Variants in ADORA1 observed in about 807,000 individuals in gnomAD.
ADORA1 encodes the protein adenosine receptor A1.
A neutral mutation model predicts 19.9 loss-of-function variants in ADORA1; 6 were observed. The ratio of observed to expected loss-of-function variants is 0.30; its 90% CI spans 0.17 to 0.59. ADORA1 has a LOEUF of 0.59. Among genes scored for constraint, ADORA1 ranks in the 20% least tolerant of loss-of-function variants. ADORA1 has a pLI of 0.87. For synonymous variants in ADORA1, 194 were observed against 188.4 expected (o/e 1.03, Z -0.24); for missense variants, 302 against 439.2 (o/e 0.69, Z 2.79).
Position 203,165,155 on chromosome 1 carries a change from A to T in ADORA1, c.342-106A>T. The T allele has an allele frequency of 6.3e-7, 1 of 1,582,508 alleles. No individual in the cohort carries two copies. The highest frequency in any genetic ancestry group is 1.1e-5 in the South Asian group (1 of 86,960). ...CTCCCCACTCACCGGGCCCTGGAAG[A>T]GGAGGGTGCTCCTCTTAGAGGCCCC... On this transcript the variant is annotated intron_variant, in intron 3 of 3. Coordinates refer to ENST00000337894, the MANE Select transcript of ADORA1 (RefSeq NM_000674.3). This position sits in a 1 kb window ranked among gnomAD's most constrained non-coding sequence, Gnocchi z 5.9.
At chr1:203,151,338 A>C (rs146208347) in intron 3 of ADORA1, among the ~76,000 whole-genome samples, 3 of 152,194 alleles carry the variant, frequency 2.0e-5, no homozygotes, top group Non-Finnish European at 2.9e-5. Flanking sequence ...CCCACCCCAG[A>C]CTCAGACACT....
chr1:203,147,866 G>A (rs1236619325), intron 3 of ADORA1, among the ~76,000 whole-genome samples: 2 of 152,192 alleles, frequency 1.3e-5, no homozygotes, highest in East Asian at 1.9e-4. Flanking sequence ...GAAACATTAC[G>A]TTGTACCCCA....
chr1:203,132,891 T>C (rs191639362), intron 3 of ADORA1, among the ~76,000 whole-genome samples: 161 of 152,216 alleles, frequency 1.1e-3, no homozygotes, highest in Non-Finnish European at 2.0e-3. Context: ...GGGGTTGGAT[T>C]TGAGGTCTCT....
intron 3 of ADORA1, among the ~76,000 whole-genome samples, chr1:203,153,356 A>G (rs1353437865): frequency 1.3e-5 from 2 of 152,304 alleles, no homozygotes; most frequent in South Asian, 2.1e-4. Flanking sequence ...CGAAGGACAG[A>G]CAGTTGGGGA....
At chr1:203,140,060 AAAAGG>A (rs1654630754) in intron 3 of ADORA1, among the ~76,000 whole-genome samples, 1 of 152,252 alleles carries the variant, frequency 6.6e-6, no homozygotes, top group Non-Finnish European at 1.5e-5. Context: ...CGGTGATATA[AAAAGG>A]ATAATATATC....
At chr1:203,161,235 A>T (rs1655355880) in intron 3 of ADORA1, among the ~76,000 whole-genome samples, 2 of 152,114 alleles carry the variant, frequency 1.3e-5, no homozygotes. Flanking sequence ...CAGTCTTTTC[A>T]TGTTATCATC....
chr1:203,135,665 A>G (rs1654483116), intron 3 of ADORA1, among the ~76,000 whole-genome samples: 1 of 152,140 alleles, frequency 6.6e-6, no homozygotes, highest in Non-Finnish European at 1.5e-5. Context: ...CTCAAAAAAA[A>G]AAAAAAAAGT....
intron 3 of ADORA1, among the ~76,000 whole-genome samples, chr1:203,130,066 C>A (rs557574343): frequency 6.6e-6 from 1 of 152,372 alleles, no homozygotes; most frequent in Admixed American, 6.5e-5. Context: ...TGCTGGGACG[C>A]TCTTGTGAGG....
At chr1:203,150,874 G>T in intron 3 of ADORA1, 1 of 1,179,066 alleles carries the variant, frequency 8.5e-7, no homozygotes, top group South Asian at 1.4e-5. Flanking sequence ...GCTTTAGGGG[G>T]CCCTGACAGC....
At chr1:203,141,339 C>G (rs535954428) in intron 3 of ADORA1, among the ~76,000 whole-genome samples, 1 of 152,322 alleles carries the variant, frequency 6.6e-6, no homozygotes, top group East Asian at 1.9e-4. Flanking sequence ...TCAGCTCTCA[C>G]CATGCACCCT....
At position 203,140,506 on chromosome 1, in the gene ADORA1, G is replaced by A. The variant is rs189877659; in HGVS notation, c.341+11324G>A. 2.0e-3 allele frequency among the ~76,000 whole-genome samples: 312 copies of A among 152,296 alleles called. 4 individuals are homozygous for A. Among genetic ancestry groups the A allele is most frequent in the South Asian group, 0.016 (76 of 4,828 alleles). ...GATCCTATTAGGTATCCAAATGGAA[G>A]CACTGTGATGGCAGGGTCGCTGGTG... On this transcript the variant is annotated intron_variant, in intron 3 of 3. Transcript: ENST00000337894.
chr1:203,160,937 C>G (rs148371778), intron 3 of ADORA1, among the ~76,000 whole-genome samples: 2 of 152,324 alleles, frequency 1.3e-5, no homozygotes, highest in East Asian at 3.9e-4. Context: ...CACTTAGCCC[C>G]CAGAATCTCC....
intron 3 of ADORA1, among the ~76,000 whole-genome samples, chr1:203,156,755 G>A (rs1655210262): frequency 1.3e-5 from 2 of 152,196 alleles, no homozygotes. Flanking sequence ...CAGTTCTGGA[G>A]GCTGGGAAGT....
At chr1:203,140,039 C>T (rs908591888) in intron 3 of ADORA1, among the ~76,000 whole-genome samples, 4 of 152,118 alleles carry the variant, frequency 2.6e-5, no homozygotes, top group Non-Finnish European at 5.9e-5. Flanking sequence ...AAAATATTAG[C>T]AAATCAAATC....
At chr1:203,136,933 A>C (rs1310502306) in intron 3 of ADORA1, among the ~76,000 whole-genome samples, 1 of 152,210 alleles carries the variant, frequency 6.6e-6, no homozygotes, top group African/African-American at 2.4e-5. Context: ...GGATACTTTC[A>C]TTAATAAAAC....
chr1:203,149,703 GC>G (rs1171781789), intron 3 of ADORA1, among the ~76,000 whole-genome samples: 1 of 152,216 alleles, frequency 6.6e-6, no homozygotes, highest in Non-Finnish European at 1.5e-5. Context: ...TGGGAGCAGA[GC>G]TCTGCTGCCT....
At chr1:203,133,001 A>G (rs959401667) in intron 3 of ADORA1, among the ~76,000 whole-genome samples, 5 of 152,018 alleles carry the variant, frequency 3.3e-5, no homozygotes, top group African/African-American at 1.2e-4. Flanking sequence ...TGTGTGTTTT[A>G]GCTCCTAGTG....
At chr1:203,131,062 T>C (rs1225340731) in intron 3 of ADORA1, among the ~76,000 whole-genome samples, 7 of 152,226 alleles carry the variant, frequency 4.6e-5, no homozygotes, top group African/African-American at 9.6e-5. Context: ...CCTAGGGTTA[T>C]TGGAATAATT....
rs186885296 is a variant in ADORA1 at position 203,160,712 on chromosome 1, G to C, written c.342-4549G>C. On this transcript the variant is annotated intron_variant, in intron 3 of 3. Coordinates refer to ENST00000337894, the MANE Select transcript of ADORA1 (RefSeq NM_000674.3). Reference sequence around the variant, plus strand: ...ACTTGTCCCAGCTACTCAGGAGGCTGAGGTGGAAGGATCTCTTGAGCCCAG... The same window carrying C: ...ACTTGTCCCAGCTACTCAGGAGGCTCAGGTGGAAGGATCTCTTGAGCCCAG... Among the ~76,000 whole-genome samples the C allele has an allele frequency of 3.9e-5, 6 of 152,288 alleles. No homozygotes were observed. In the East Asian group the frequency reaches 1.2e-3, roughly 29 times the overall value.
Sources: gnomAD v4.1 joint callset for allele counts (sites outside exome capture counted in the v4.1 genomes callset) on GRCh38, gnomAD v4.1.1 for gene constraint, Gnocchi (gnomAD v3.1) non-coding constraint, MANE v1.5 for transcripts, NCBI Gene and HGNC (gene_info 2026-07-23, HGNC 2026-07-21) for gene names.